HECW2: variants seen among roughly 807,000 people sequenced by gnomAD.
HECW2 encodes the protein E3 ubiquitin-protein ligase HECW2.
In HECW2, 61 loss-of-function variants were observed where a neutral mutation model predicts 175.2. The ratio of observed to expected loss-of-function variants is 0.35; its 90% confidence interval spans 0.28 to 0.43. The LOEUF is 0.43. Among genes scored for constraint, HECW2 ranks in the 20% least tolerant of loss-of-function variants. HECW2 has a pLI of 1.00. For synonymous variants in HECW2, 671 were observed against 731.0 expected (o/e 0.92, Z 1.32); for missense variants, 1,524 against 2,000.5 (o/e 0.76, Z 4.54).
intron 1 of HECW2, among the ~76,000 whole-genome samples, chr2:196,552,694 T>G (rs1395500516): frequency 6.6e-6 from 1 of 152,206 alleles, no homozygotes; most frequent in Non-Finnish European, 1.5e-5. Context: ...CTCCTCTTCC[T>G]GAGCCTGAGG....
chr2:196,522,316 T>C (rs1688431809), intron 1 of HECW2, among the ~76,000 whole-genome samples: 1 of 152,222 alleles, frequency 6.6e-6, no homozygotes, highest in Non-Finnish European at 1.5e-5. Flanking sequence ...CTTGCCCACT[T>C]TTTGATGGGG....
At chr2:196,427,323 T>C (rs1017432768) in intron 2 of HECW2, among the ~76,000 whole-genome samples, 20 of 152,002 alleles carry the variant, frequency 1.3e-4, no homozygotes, top group African/African-American at 4.8e-4. Context: ...AAAAAATAAA[T>C]AATTGTCTTA....
intron 3 of HECW2, among the ~76,000 whole-genome samples, chr2:196,335,391 G>A (rs575641403): frequency 4.6e-5 from 7 of 152,340 alleles, no homozygotes; most frequent in African/African-American, 1.7e-4. Flanking sequence ...ACTGCGAGAT[G>A]CATTTCTCCC....
rs1575234329 is a variant in HECW2 at position 196,216,090 on chromosome 2, G to C, written c.4495-113C>G. On this transcript the variant is annotated intron_variant, in intron 27 of 28. Coordinates refer to ENST00000644978, the MANE Select transcript of HECW2 (RefSeq NM_001348768.2). ...GAGGAAGAGCAGGCAGGAAAGTTCT[G>C]AAGACAAAACTTCACAGGTGTGGAA... The C allele has an allele frequency of 5.8e-6, 4 of 685,098 alleles. No individual in the cohort carries two copies. In the South Asian group the frequency reaches 6.8e-5, roughly 12 times the overall value. 42.4% of individuals were successfully genotyped at this position (685,098 alleles called of 1,614,324 possible).
intron 1 of HECW2, among the ~76,000 whole-genome samples, chr2:196,472,481 C>CA (rs538116476): frequency 0.019 from 1,314 of 70,796 alleles, 35 homozygotes; most frequent in African/African-American, 0.042. Flanking sequence ...GAGACTCCGT[C>CA]AAAAAAAAAA....
chr2:196,548,048 G>A (rs1289828215), intron 1 of HECW2, among the ~76,000 whole-genome samples: 1 of 152,036 alleles, frequency 6.6e-6, no homozygotes, highest in African/African-American at 2.4e-5. Flanking sequence ...ATCCACTATG[G>A]GCCAGGCGCA....
chr2:196,561,209 G>T (rs921080295), intron 1 of HECW2, among the ~76,000 whole-genome samples: 2 of 152,220 alleles, frequency 1.3e-5, no homozygotes, highest in African/African-American at 4.8e-5. Flanking sequence ...TGGCCACTCT[G>T]GGGGTGTCTG....
chr2:196,391,311 T>C (rs576097581), intron 2 of HECW2, among the ~76,000 whole-genome samples: 2 of 152,278 alleles, frequency 1.3e-5, no homozygotes, highest in East Asian at 3.9e-4. Flanking sequence ...TGTGTTGTAA[T>C]GTATCACCCC....
intron 2 of HECW2, among the ~76,000 whole-genome samples, chr2:196,361,278 G>A (rs528484891): frequency 1.7e-4 from 26 of 152,132 alleles, no homozygotes; most frequent in Admixed American, 4.6e-4. Flanking sequence ...CAAGTTAAAA[G>A]TGTTGCTGTA....
chr2:196,235,648 C>CTTTTTTTT lies in HECW2; in HGVS notation c.3764+4793_3764+4800dup, dbSNP rs757874073. ...TTGGAGCACAGGTAGATGCATTATTCTTTTTTTTTTTTTTTTTTTTTTTTT... is the reference window on the plus strand; with the variant it reads ...TTGGAGCACAGGTAGATGCATTATTCTTTTTTTTTTTTTTTTTTTTTTTTTTTTTTTTT... On this transcript the variant is annotated intron_variant, in intron 21 of 28. Transcript: ENST00000644978. Among the ~76,000 whole-genome samples, 339 of 78,856 alleles carry CTTTTTTTT rather than the reference C, an allele frequency of 4.3e-3. 3 individuals are homozygous for CTTTTTTTT. The highest frequency in any genetic ancestry group is 0.012 in the East Asian group (24 of 2,012). The allele number at this position is 78,856 out of a possible 152,430, so 51.7% of individuals were successfully genotyped here.
At chr2:196,361,725 G>T in intron 2 of HECW2, 1 of 866,580 alleles carries the variant, frequency 1.2e-6, no homozygotes, top group Non-Finnish European at 1.4e-6. Flanking sequence ...CAAAGTGAAA[G>T]GCAGAGAAAA....
chr2:196,204,774 T>G (rs1687008450), intron 28 of HECW2, among the ~76,000 whole-genome samples: 1 of 152,154 alleles, frequency 6.6e-6, no homozygotes, highest in African/African-American at 2.4e-5. Context: ...GTGGCAAATG[T>G]GATGTTAAGT....
At chr2:196,570,759 AATT>A (rs1197844095) in intron 1 of HECW2, among the ~76,000 whole-genome samples, 3 of 152,170 alleles carry the variant, frequency 2.0e-5, no homozygotes, top group Non-Finnish European at 4.4e-5. Context: ...TTCACATACA[AATT>A]ATTATTTCTG....
chr2:196,435,756 C>G (rs1325121483), intron 1 of HECW2, among the ~76,000 whole-genome samples: 1 of 152,212 alleles, frequency 6.6e-6, no homozygotes, highest in African/African-American at 2.4e-5. Flanking sequence ...TTTTAACTCT[C>G]TGTCCCTCTG....
intron 2 of HECW2, among the ~76,000 whole-genome samples, chr2:196,418,996 C>T (rs1695333929): frequency 1.3e-5 from 2 of 152,292 alleles, no homozygotes; most frequent in South Asian, 4.1e-4. Flanking sequence ...TTTACTCACA[C>T]CATAATTACT....
At chr2:196,245,400 C>G (rs771739513) in intron 19 of HECW2, among the ~76,000 whole-genome samples, 32 of 152,202 alleles carry the variant, frequency 2.1e-4, no homozygotes, top group Non-Finnish European at 4.1e-4. Context: ...CCAAGTCTAT[C>G]TACCTGATGC....
At position 196,532,479 on chromosome 2, in the gene HECW2, G is replaced by T. The variant is rs141441787; in HGVS notation, c.-36+61029C>A. Among the ~76,000 whole-genome samples, 5 of 152,212 alleles carry T rather than the reference G, an allele frequency of 3.3e-5. No homozygotes were observed. The East Asian group carries it at 9.7e-4, about 29-fold the overall frequency. On this transcript the variant is annotated intron_variant, in intron 1 of 28. Coordinates refer to ENST00000644978, the MANE Select transcript of HECW2 (RefSeq NM_001348768.2). ...AACATCACATACCAGGGCCTGTCAGGGGGTGGGTGTCTAGGGGAGGGACAG... is the reference window on the plus strand; with the variant it reads ...AACATCACATACCAGGGCCTGTCAGTGGGTGGGTGTCTAGGGGAGGGACAG...
intron 1 of HECW2, among the ~76,000 whole-genome samples, chr2:196,523,351 C>T (rs1163890167): frequency 1.3e-5 from 2 of 151,774 alleles, no homozygotes; most frequent in Non-Finnish European, 2.9e-5. Flanking sequence ...GCTGAAGTTG[C>T]TTATCAGCTT....
intron 2 of HECW2, among the ~76,000 whole-genome samples, chr2:196,409,649 A>C (rs371531117): frequency 4.3e-4 from 66 of 152,308 alleles, no homozygotes; most frequent in African/African-American, 1.5e-3. Context: ...AGCTGACTCA[A>C]GCGTTACATT....
Sources: allele counts gnomAD v4.1 joint callset (sites outside exome capture counted in the v4.1 genomes callset), GRCh38; gene constraint gnomAD v4.1.1; transcripts MANE v1.5; gene names NCBI Gene and HGNC (gene_info 2026-07-23, HGNC 2026-07-21).